The following RPL26L1 variants were observed in gnomAD, a reference collection of about 807,000 sequenced individuals.
RPL26L1 encodes ribosomal protein L26 like 1.
A neutral mutation model predicts 15.2 loss-of-function variants in RPL26L1; 8 were observed. That is an observed-to-expected ratio of 0.53 (90% CI 0.31 to 0.95). The LOEUF is 0.95. RPL26L1 is among the 40% of genes least tolerant of loss of function. The pLI is 0.05. For synonymous variants in RPL26L1, 51 were observed against 65.9 expected, an observed-to-expected ratio of 0.77 and a Z score of 1.09; for missense variants, 146 against 190.9, an observed-to-expected ratio of 0.76 and a Z score of 1.39.
At chr5:172,958,454 A>C (rs555151820), upstream of RPL26L1, 286 of 456,234 alleles carry the variant, frequency 6.3e-4, 1 homozygote, top group African/African-American at 5.2e-3. Flanking sequence ...TTGTCGTTCA[A>C]CATATATGGA....
intron 1 of RPL26L1, 105 bp from the exon 2 acceptor site, chr5:172,959,760 C>A: frequency 7.5e-7 from 1 of 1,330,502 alleles, no homozygotes; most frequent in Non-Finnish European, 1.1e-6. Context: ...GAGGCTACCT[C>A]CCCTGTAGAG....
chr5:172,966,700 A>G (rs749422898), intron 2 of RPL26L1, among the ~76,000 whole-genome samples: 1 of 152,016 alleles, frequency 6.6e-6, no homozygotes, highest in Non-Finnish European at 1.5e-5. Flanking sequence ...TCTGTGGTAG[A>G]TTTTTCACTG....
At position 172,964,005 on chromosome 5, in the gene RPL26L1, T is replaced by A. The variant is rs888328959; in HGVS notation, c.168+3964T>A. 2.0e-5 allele frequency among the ~76,000 whole-genome samples: 3 copies of A among 152,040 alleles called. No individual in the cohort carries two copies. The East Asian group carries it at 5.8e-4, about 29-fold the overall frequency. On this transcript the variant is annotated intron_variant, in intron 2 of 3. Transcript: ENST00000265100. ...GCCTGACACTTAGAGAGGAGAAGGG[T>A]CAGTCAATATTTGTTGAATGAATGA...
upstream of RPL26L1, among the ~76,000 whole-genome samples, chr5:172,956,221 T>TTAA (rs1754970665): frequency 6.6e-6 from 1 of 152,216 alleles, no homozygotes; most frequent in Non-Finnish European, 1.5e-5. Flanking sequence ...AGATGATCAT[T>TTAA]TAATGATAAC....
At chr5:172,968,280 T>A (rs547535414) in intron 2 of RPL26L1, among the ~76,000 whole-genome samples, 179 bp from the exon 3 acceptor site, 1 of 152,156 alleles carries the variant, frequency 6.6e-6, no homozygotes, top group Non-Finnish European at 1.5e-5. Context: ...GTAAAAAATC[T>A]CCACCCAACC....
rs184824922 is a variant in RPL26L1, at chr5:172,966,869, T to G, written c.169-1590T>G. On this transcript the variant is annotated intron_variant, in intron 2 of 3. Coordinates refer to ENST00000265100, the MANE Select transcript of RPL26L1 (RefSeq NM_016093.4). The stretch of plus-strand genomic sequence containing the variant: ...GTCACATCGTACCTGGTGGTTTTTT[T>G]TTTTTGAGGCGGTGTCTCGCTCTGT... Among the ~76,000 whole-genome samples the G allele has an allele frequency of 4.4e-3, 662 of 152,006 alleles. 15 individuals are homozygous for G. The highest frequency in any genetic ancestry group is 0.036 in the South Asian group (172 of 4,814).
At chr5:172,959,567 T>C (rs573224593) in intron 1 of RPL26L1, 99 bp downstream of exon 1, 28 of 1,191,538 alleles carry the variant, frequency 2.3e-5, no homozygotes, top group East Asian at 1.0e-4. Context: ...ACAGCTCTCT[T>C]TGAGTGACCT....
chr5:172,967,352 C>G (rs973127292), intron 2 of RPL26L1, among the ~76,000 whole-genome samples: 3 of 152,032 alleles, frequency 2.0e-5, no homozygotes, highest in Non-Finnish European at 4.4e-5. Context: ...ATAATCCCAG[C>G]TACTTGGGAG....
chr5:172,968,725 A>G, intron 3 of RPL26L1, 126 bp downstream of exon 3: 2 of 880,502 alleles, frequency 2.3e-6, no homozygotes, highest in Non-Finnish European at 3.3e-6. Context: ...TTGATTCAGT[A>G]GCTTTGTGAT....
intron 2 of RPL26L1, 65 bp downstream of exon 2, chr5:172,960,106 A>G (rs1327718986): frequency 1.5e-5 from 23 of 1,579,888 alleles, no homozygotes; most frequent in Non-Finnish European, 1.9e-5. Flanking sequence ...TGCGTGGAGC[A>G]GTCACAGACT....
upstream of RPL26L1, chr5:172,958,420 A>AGCATGCC: frequency 2.2e-6 from 1 of 456,246 alleles, no homozygotes; most frequent in Non-Finnish European, 4.4e-6. Flanking sequence ...TCTGAGTTTC[A>AGCATGCC]GCATGCCGGC....
At chr5:172,954,154 G>A (rs914775517), upstream of RPL26L1, among the ~76,000 whole-genome samples, 8 of 152,200 alleles carry the variant, frequency 5.3e-5, no homozygotes, top group African/African-American at 1.9e-4. Flanking sequence ...TTAAACCAAT[G>A]AGCTACAAGA....
intron 2 of RPL26L1, among the ~76,000 whole-genome samples, chr5:172,966,790 T>C (rs1214140319): frequency 3.9e-5 from 6 of 152,072 alleles, no homozygotes; most frequent in East Asian, 3.9e-4. Context: ...TTTAGGAGTA[T>C]TGGGGTTCTC....
At chr5:172,965,196 GAA>G (rs975014178) in intron 2 of RPL26L1, among the ~76,000 whole-genome samples, 10 of 151,810 alleles carry the variant, frequency 6.6e-5, no homozygotes, top group Admixed American at 5.9e-4. Flanking sequence ...AAAAAAAAAA[GAA>G]AGAAATATCC....
chr5:172,955,243 T>C (rs1377000761), upstream of RPL26L1: 16 of 335,036 alleles, frequency 4.8e-5, no homozygotes, highest in South Asian at 2.9e-4. Flanking sequence ...GTTCTCCTGT[T>C]TCAGCCTCCT....
chr5:172,968,318 A>G, intron 2 of RPL26L1, 141 bp from the exon 3 acceptor site: 3 of 1,054,030 alleles, frequency 2.8e-6, no homozygotes, highest in Non-Finnish European at 4.1e-6. Context: ...TATATCAGAA[A>G]AGTAGCTAAT....
intron 2 of RPL26L1, among the ~76,000 whole-genome samples, chr5:172,964,281 C>CTTTTTTTTTTTTTTTTT (rs1204432096): frequency 1.0e-5 from 1 of 99,234 alleles, no homozygotes; most frequent in African/African-American, 3.6e-5. Flanking sequence ...GGCCTGTTGC[C>CTTTTTTTTTTTTTTTTT]TTTTTTTTTT....
At chr5:172,966,068 T>C (rs553689147) in intron 2 of RPL26L1, among the ~76,000 whole-genome samples, 3 of 152,338 alleles carry the variant, frequency 2.0e-5, no homozygotes, top group East Asian at 3.9e-4. Flanking sequence ...CTTAGTCTTA[T>C]CCTGTCTCCT....
At chr5:172,966,327 T>TTA (rs1423740404) in intron 2 of RPL26L1, among the ~76,000 whole-genome samples, 2 of 125,652 alleles carry the variant, frequency 1.6e-5, no homozygotes, top group Non-Finnish European at 3.4e-5. Flanking sequence ...TTTTTTTTTT[T>TTA]TTTTTTTTTT....
Sources: allele counts gnomAD v4.1 joint callset (sites outside exome capture counted in the v4.1 genomes callset), GRCh38; gene constraint gnomAD v4.1.1; transcripts MANE v1.5; gene names NCBI Gene and HGNC (gene_info 2026-07-23, HGNC 2026-07-21).